Variants in RAB25 observed in about 807,000 individuals in gnomAD.
RAB25 encodes RAB25, member RAS oncogene family.
A neutral mutation model predicts 25.2 loss-of-function variants in RAB25; 23 were observed. That is an observed-to-expected ratio of 0.91 (90% CI 0.66 to 1.29). The LOEUF (loss-of-function observed/expected upper bound fraction) is 1.29, where lower values mean the gene tolerates loss of function less well. Ranked by LOEUF, RAB25 falls within the 50% of genes most tolerant of loss-of-function variation. The probability of loss-of-function intolerance (pLI) is 0.00; values close to 1 mark genes in which losing one functional copy is unlikely to be tolerated. For missense variants in RAB25, 244 were observed against 277.3 expected (o/e 0.88, Z 0.85); for synonymous variants, 102 against 111.5 (o/e 0.91, Z 0.54).
chr1:156,062,463 A>G (rs1209967832), intron 1 of RAB25, among the ~76,000 whole-genome samples: 7 of 152,038 alleles, frequency 4.6e-5, no homozygotes, highest in East Asian at 1.9e-4. Flanking sequence ...CCCTACCCCA[A>G]TGCCTCTCCC....
At chr1:156,065,512 G>A (rs1572292652) in intron 1 of RAB25, among the ~76,000 whole-genome samples, 1 of 152,172 alleles carries the variant, frequency 6.6e-6, no homozygotes, top group East Asian at 1.9e-4. Flanking sequence ...CAAGTGCAAT[G>A]TTCTCATACT....
At position 156,066,103 on chromosome 1, in the gene RAB25, C is replaced by A; in HGVS notation, c.236C>A (p.Ser79Ter). 6.4e-7 allele frequency: 1 copy of A among 1,572,018 alleles called. No homozygotes were observed. Among genetic ancestry groups the A allele is most frequent in the Non-Finnish European group, 8.7e-7 (1 of 1,152,734 alleles). ...CTGGAGCGGTACCGAGCCATCACCTCGGCGTGAGCCCGGGCCTGGGGGGCT... is the reference window on the plus strand; with the variant it reads ...CTGGAGCGGTACCGAGCCATCACCTAGGCGTGAGCCCGGGCCTGGGGGGCT... ...AGLERYRAIT[S>*]AYYRGAVGAL... is the part of the protein sequence containing the mutation. The change falls in exon 2 of 5, where the codon TCG becomes TAG. Residue 79 changes from serine to a stop codon, truncating the protein, a stop_gained. Coordinates refer to ENST00000361084, the MANE Select transcript of RAB25 (RefSeq NM_020387.4). LOFTEE classifies it high-confidence loss of function.
At chr1:156,061,973 C>T (rs534827967) in intron 1 of RAB25, among the ~76,000 whole-genome samples, 1 of 151,856 alleles carries the variant, frequency 6.6e-6, no homozygotes, top group African/African-American at 2.4e-5. Context: ...TTAATAGAGA[C>T]GGGGTTTCAC....
chr1:156,069,688 T>C lies in RAB25; in HGVS notation c.451T>C (p.Phe151Leu), dbSNP rs368834458. The C allele has an allele frequency of 9.3e-6, 15 of 1,612,700 alleles. 1 individual carries two copies. In the African/African-American group the frequency reaches 1.9e-4, roughly 20 times the overall value. The change falls in exon 4 of 5, where the codon TTC (phenylalanine) becomes CTC (leucine). Residue 151 changes from phenylalanine (F) to leucine (L), a missense_variant. Coordinates refer to ENST00000361084, the MANE Select transcript of RAB25 (RefSeq NM_020387.4). ...CCTGGCAGAAAACAATGGACTGCTCTTCCTGGAGACCTCAGCCCTGGACTC... is the reference window on the plus strand; with the variant it reads ...CCTGGCAGAAAACAATGGACTGCTCCTCCTGGAGACCTCAGCCCTGGACTC... ...RMFAENNGLL[F>L]LETSALDSTN...
At chr1:156,064,940 A>G (rs1337677485) in intron 1 of RAB25, among the ~76,000 whole-genome samples, 1 of 152,020 alleles carries the variant, frequency 6.6e-6, no homozygotes, top group African/African-American at 2.4e-5. Context: ...TGCCAGTGCA[A>G]TTTGTGGGCT....
chr1:156,068,181 C>T (rs1647801021), intron 2 of RAB25, 89 bp from the exon 3 acceptor site: 4 of 1,182,774 alleles, frequency 3.4e-6, no homozygotes, highest in Non-Finnish European at 5.0e-6. Flanking sequence ...GTACTCTGAT[C>T]CCGGGTGTTC....
At position 156,061,246 on chromosome 1, in the gene RAB25, C is replaced by T; in HGVS notation, c.-155C>T. ...AGGCCCTGCCTAACCTTGAGTTGGC[C>T]CCCAATCCCTCTGGCTGCAGAAGTC... On this transcript the variant is annotated 5_prime_UTR_variant, in exon 1 of 5. Coordinates refer to ENST00000361084, the MANE Select transcript of RAB25 (RefSeq NM_020387.4). 2 of 751,900 alleles carry T rather than the reference C, an allele frequency of 2.7e-6. No individual in the cohort carries two copies. Among genetic ancestry groups the T allele is most frequent in the Non-Finnish European group, 4.6e-6 (2 of 438,906 alleles). 46.6% of individuals were successfully genotyped at this position (751,900 alleles called of 1,614,324 possible).
intron 3 of RAB25, 83 bp downstream of exon 3, chr1:156,068,546 C>T (rs990352841): frequency 1.4e-6 from 2 of 1,392,504 alleles, no homozygotes; most frequent in African/African-American, 1.4e-5. Flanking sequence ...TGCCCCCACC[C>T]ATAGAGCCCC....
In RAB25 at chr1:156,066,133, G is replaced by C. The variant is rs773269181; in HGVS notation, c.239+27G>C. ...TGAGCCCGGGCCTGGGGGGCTGCTG[G>C]GTGGTGGGAGTTCTGGGGAAGTCGA... is the stretch of plus-strand genomic sequence containing the variant. On this transcript the variant is annotated intron_variant, in intron 2 of 4. Transcript: ENST00000361084. The C allele has an allele frequency of 4.6e-6, 7 of 1,508,006 alleles. No individual in the cohort carries two copies. In the African/African-American group the frequency reaches 9.7e-5, roughly 21 times the overall value. The allele number at this position is 1,508,006 out of a possible 1,614,324, so 93.4% of individuals were successfully genotyped here. A position where few individuals can be genotyped will look rare whatever the true frequency, so the allele number is the denominator to read the frequency against.
At chr1:156,062,558 T>C (rs566993500) in intron 1 of RAB25, among the ~76,000 whole-genome samples, 2 of 152,308 alleles carry the variant, frequency 1.3e-5, no homozygotes, top group African/African-American at 4.8e-5. Flanking sequence ...ACTGGCATCT[T>C]TTCCAGGAAG....
chr1:156,067,126 G>A (rs1281184186), intron 2 of RAB25, among the ~76,000 whole-genome samples: 3 of 151,772 alleles, frequency 2.0e-5, no homozygotes, highest in East Asian at 1.9e-4. Context: ...CCAACTACTC[G>A]GGAGGCTGAG....
intron 4 of RAB25, 101 bp downstream of exon 4, chr1:156,069,852 C>T: frequency 8.9e-7 from 1 of 1,124,408 alleles, no homozygotes; most frequent in Non-Finnish European, 1.4e-6. Context: ...GCTAATTTCT[C>T]AGCTCCTCTG....
chr1:156,069,059 AGTTTTCT>A (rs985987944), intron 3 of RAB25, among the ~76,000 whole-genome samples: 22 of 152,054 alleles, frequency 1.4e-4, no homozygotes, highest in African/African-American at 4.8e-4. Flanking sequence ...GCTTCCCAGG[AGTTTTCT>A]GAGTTTAGAG....
At chr1:156,066,216 T>A in intron 2 of RAB25, 110 bp downstream of exon 2, 283 of 430,946 alleles carry the variant, frequency 6.6e-4, no homozygotes, top group Non-Finnish European at 9.4e-4. Context: ...AGCAGTGGGC[T>A]CTGGGGGGTG....
Position 156,066,120 on chromosome 1 carries a change from TG to T in RAB25, c.239+20del, listed in dbSNP as rs749795947. 6 of 1,446,992 alleles carry T rather than the reference TG, an allele frequency of 4.1e-6. No homozygotes were observed. The highest frequency in any genetic ancestry group is 1.6e-5 in the African/African-American group (1 of 63,964). 89.6% of individuals were successfully genotyped at this position (1,446,992 alleles called of 1,614,324 possible). ...CATCACCTCGGCGTGAGCCCGGGCC[TG>T]GGGGGCTGCTGGGTGGTGGGAGTTC... On this transcript the variant is annotated intron_variant, in intron 2 of 4. Coordinates refer to ENST00000361084, the MANE Select transcript of RAB25 (RefSeq NM_020387.4).
At chr1:156,067,002 G>A (rs372093972) in intron 2 of RAB25, among the ~76,000 whole-genome samples, 2 of 151,826 alleles carry the variant, frequency 1.3e-5, no homozygotes, top group Non-Finnish European at 2.9e-5. Flanking sequence ...TTGGGAGGCC[G>A]AGGCGGGCAG....
At chr1:156,069,542 T>C in intron 3 of RAB25, 129 bp from the exon 4 acceptor site, 1 of 744,834 alleles carries the variant, frequency 1.3e-6, no homozygotes, top group South Asian at 1.7e-5. Flanking sequence ...TGTAAGTTGT[T>C]TTAAGGATTA....
At chr1:156,069,827 T>A (rs1647855680) in intron 4 of RAB25, 76 bp downstream of exon 4, 1 of 1,302,008 alleles carries the variant, frequency 7.7e-7, no homozygotes, top group South Asian at 1.2e-5. Flanking sequence ...ATGCAGACAC[T>A]CAGCCCTCAC....
At chr1:156,069,595 A>G (rs1647846532) in intron 3 of RAB25, 76 bp from the exon 4 acceptor site, 1 of 1,180,822 alleles carries the variant, frequency 8.5e-7, no homozygotes, top group Admixed American at 1.7e-5. Context: ...TGGCAAATGT[A>G]TATAGCAAAC....
Sources: gnomAD v4.1 joint callset for allele counts (sites outside exome capture counted in the v4.1 genomes callset) on GRCh38, gnomAD v4.1.1 for gene constraint, MANE v1.5 for transcripts, NCBI Gene and HGNC (gene_info 2026-07-23, HGNC 2026-07-21) for gene names.